OPCML: variants seen among roughly 807,000 people sequenced by gnomAD.
OPCML encodes the protein opioid-binding protein/cell adhesion molecule.
In OPCML, 13 loss-of-function variants were observed where a neutral mutation model predicts 37.8. The ratio of observed to expected loss-of-function variants is 0.34; its 90% confidence interval spans 0.22 to 0.55. The LOEUF is 0.55. Among genes scored for constraint, OPCML ranks in the 20% least tolerant of loss-of-function variants. The pLI is 0.91. For missense variants in OPCML, 341 were observed against 435.6 expected (o/e 0.78, Z 1.93); for synonymous variants, 176 against 168.8 (o/e 1.04, Z -0.33).
intron 1 of OPCML, among the ~76,000 whole-genome samples, chr11:133,326,464 G>T (rs115688665): frequency 7.3e-6 from 1 of 137,914 alleles, no homozygotes; most frequent in Non-Finnish European, 1.6e-5. Flanking sequence ...TGTGTGTGGG[G>T]TGTGTGTGTA....
At chr11:133,402,711 C>G (rs1311666238) in intron 1 of OPCML, among the ~76,000 whole-genome samples, 5 of 152,144 alleles carry the variant, frequency 3.3e-5, no homozygotes, top group Admixed American at 6.5e-5. Context: ...AAGAGGTTGT[C>G]CCCACACAGC....
At chr11:133,248,146 G>A (rs1184709886) in intron 1 of OPCML, among the ~76,000 whole-genome samples, 11 of 152,198 alleles carry the variant, frequency 7.2e-5, no homozygotes, top group Admixed American at 7.2e-4. Context: ...ATGAAGCAAT[G>A]GAAGGAGATA....
chr11:132,979,826 G>A (rs902170238), intron 1 of OPCML, among the ~76,000 whole-genome samples: 1 of 152,142 alleles, frequency 6.6e-6, no homozygotes, highest in African/African-American at 2.4e-5. Context: ...GTAAGAGACT[G>A]AGAAGGAAGG....
At chr11:132,689,687 T>G (rs187344276) in intron 2 of OPCML, among the ~76,000 whole-genome samples, 62 of 152,152 alleles carry the variant, frequency 4.1e-4, no homozygotes, top group African/African-American at 1.5e-3. Context: ...GTCTGTGGAG[T>G]CAAAACACTG....
rs116554563 is a variant in OPCML at position 132,955,182 on chromosome 11, G to A, written c.62-12172C>T. Among the ~76,000 whole-genome samples, 354 of 152,212 alleles carry A rather than the reference G, an allele frequency of 2.3e-3. 1 individual carries two copies. Among genetic ancestry groups the A allele is most frequent in the African/African-American group, 7.9e-3 (329 of 41,526 alleles). On this transcript the variant is annotated intron_variant, in intron 1 of 7. Coordinates refer to ENST00000524381, the MANE Select transcript of OPCML (RefSeq NM_001012393.5). ...TGGGGATCTGGGGGAGGTTGGCACGGTTTTGTCTTATTTCATCTTCAGCAT... is the reference window on the plus strand; with the variant it reads ...TGGGGATCTGGGGGAGGTTGGCACGATTTTGTCTTATTTCATCTTCAGCAT...
intron 1 of OPCML, among the ~76,000 whole-genome samples, chr11:133,472,373 C>G (rs972264031): frequency 2.6e-5 from 4 of 152,036 alleles, no homozygotes; most frequent in African/African-American, 9.7e-5. Context: ...TTACATGGTC[C>G]CAGTCAGGCA....
intron 2 of OPCML, among the ~76,000 whole-genome samples, chr11:132,773,858 C>G (rs1171503126): frequency 6.6e-6 from 1 of 152,116 alleles, no homozygotes; most frequent in Non-Finnish European, 1.5e-5. Context: ...TTCCACTGAG[C>G]CTAAACATAC....
chr11:133,211,942 G>A lies in OPCML; in HGVS notation c.62-268932C>T, dbSNP rs1459552701. Among the ~76,000 whole-genome samples the A allele has an allele frequency of 6.6e-6, 1 of 152,192 alleles. No homozygotes were observed. Among genetic ancestry groups the A allele is most frequent in the Non-Finnish European group, 1.5e-5 (1 of 68,032 alleles). On this transcript the variant is annotated intron_variant, in intron 1 of 7. Transcript: ENST00000524381. The surrounding 1 kb of genome is among the most constrained non-coding windows in gnomAD (Gnocchi z 4.1). ...TGCAGTACAAATACCATAAGTTAGT[G>A]TATATACTCAAACAAAGCCATGAAC...
At position 132,657,109 on chromosome 11, in the gene OPCML, G is replaced by T. The variant is rs749461018; in HGVS notation, c.357C>A (p.Ser119=). 6.2e-7 allele frequency: 1 copy of T among 1,614,190 alleles called. No individual in the cohort carries two copies. Among genetic ancestry groups the T allele is most frequent in the South Asian group, 1.1e-5 (1 of 91,088 alleles). The change falls in exon 3 of 8, where the codon TCC becomes TCA. Residue 119 remains serine (S), a synonymous_variant. Coordinates refer to ENST00000524381, the MANE Select transcript of OPCML (RefSeq NM_001012393.5). The part of the protein sequence containing the change: ...SVQTDNHPKT[S]RVHLIVQVPP... Reference sequence around the variant, plus strand: ...TACCTTGCACTATTAGGTGAACCCGGGACGTTTTGGGATGATTGTCTGTCT... The same window carrying T: ...TACCTTGCACTATTAGGTGAACCCGTGACGTTTTGGGATGATTGTCTGTCT...
intron 1 of OPCML, among the ~76,000 whole-genome samples, chr11:133,366,325 T>A (rs1177481472): frequency 6.6e-6 from 1 of 152,196 alleles, no homozygotes; most frequent in Non-Finnish European, 1.5e-5. Flanking sequence ...GACGTGAGGC[T>A]GCATGACTTA....
chr11:132,620,392 A>G (rs1312649974), intron 3 of OPCML, among the ~76,000 whole-genome samples: 1 of 152,238 alleles, frequency 6.6e-6, no homozygotes, highest in Non-Finnish European at 1.5e-5. Context: ...CCTAGTTAAT[A>G]TGTTAAGGAA....
chr11:133,027,492 G>GTGT (rs1565405083), intron 1 of OPCML, among the ~76,000 whole-genome samples: 3 of 125,406 alleles, frequency 2.4e-5, no homozygotes, highest in African/African-American at 1.0e-4. Flanking sequence ...TGTGTGTGTT[G>GTGT]TGTGTGTGTG....
chr11:132,859,626 C>G (rs983503279), intron 2 of OPCML: 4 of 152,208 alleles, frequency 2.6e-5, no homozygotes, highest in African/African-American at 7.2e-5. Flanking sequence ...TTGATTATTA[C>G]AGCAGCTTCC....
intron 1 of OPCML, among the ~76,000 whole-genome samples, chr11:133,500,887 G>C (rs1947896538): frequency 6.6e-6 from 1 of 152,102 alleles, no homozygotes; most frequent in Admixed American, 6.5e-5. Context: ...GGAGGAGTCT[G>C]AGTAGGGAGG....
At chr11:133,268,871 G>T (rs1941737086) in intron 1 of OPCML, among the ~76,000 whole-genome samples, 1 of 152,206 alleles carries the variant, frequency 6.6e-6, no homozygotes, top group Non-Finnish European at 1.5e-5. Context: ...ACATTTCTCT[G>T]AAGGCAGGTT....
At chr11:132,741,126 T>C (rs1945421286) in intron 2 of OPCML, among the ~76,000 whole-genome samples, 1 of 152,196 alleles carries the variant, frequency 6.6e-6, no homozygotes, top group African/African-American at 2.4e-5. Flanking sequence ...CTCTGCTATT[T>C]GAAACCCAGT....
intron 1 of OPCML, among the ~76,000 whole-genome samples, chr11:133,175,515 A>G (rs1950358307): frequency 1.3e-5 from 2 of 151,538 alleles, no homozygotes; most frequent in Non-Finnish European, 2.9e-5. Flanking sequence ...TAGGTTTTCC[A>G]TGATGGACTG....
chr11:133,409,601 A>C (rs1458651575), intron 1 of OPCML, among the ~76,000 whole-genome samples: 2 of 152,164 alleles, frequency 1.3e-5, no homozygotes, highest in Admixed American at 1.3e-4. Context: ...ACCAACCGTA[A>C]CAGCTGTGAC....
intron 4 of OPCML, among the ~76,000 whole-genome samples, chr11:132,513,929 A>G (rs940138976): frequency 9.9e-5 from 15 of 152,216 alleles, no homozygotes; most frequent in Non-Finnish European, 1.9e-4. Flanking sequence ...TGTTTCAAAC[A>G]CAGTACATAA....
Sources: allele counts gnomAD v4.1 joint callset (sites outside exome capture counted in the v4.1 genomes callset), GRCh38; gene constraint gnomAD v4.1.1; non-coding constraint Gnocchi (gnomAD v3.1); transcripts MANE v1.5; gene names NCBI Gene and HGNC (gene_info 2026-07-23, HGNC 2026-07-21).